DGKD: variants seen among roughly 807,000 people sequenced by gnomAD.
DGKD encodes DAG kinase delta.
In DGKD, 68 loss-of-function variants were observed where a neutral mutation model predicts 154.4. That is an observed-to-expected ratio of 0.44 (90% CI 0.36 to 0.54). The LOEUF is 0.54. Ranked by LOEUF, DGKD falls within the 20% of genes least tolerant of loss-of-function variation. The pLI, the probability that DGKD is intolerant of heterozygous loss-of-function variation, is 0.00. For missense variants in DGKD, 1,343 were observed against 1,593.6 expected (o/e 0.84, Z 2.68); for synonymous variants, 693 against 638.0 (o/e 1.09, Z -1.30).
At chr2:233,379,643 G>A (rs191453164) in intron 1 of DGKD, among the ~76,000 whole-genome samples, 2 of 152,274 alleles carry the variant, frequency 1.3e-5, no homozygotes, top group Admixed American at 1.3e-4. Flanking sequence ...AAATCCTCCC[G>A]TTGAGAGAAT....
intron 27 of DGKD, among the ~76,000 whole-genome samples, chr2:233,464,543 G>A (rs184693685): frequency 9.8e-5 from 15 of 152,296 alleles, no homozygotes; most frequent in African/African-American, 2.9e-4. Context: ...AGAACTGCAG[G>A]GCTTCCTGGA....
chr2:233,454,678 G>C, intron 18 of DGKD, 85 bp from the exon 19 acceptor site: 1 of 782,164 alleles, frequency 1.3e-6, no homozygotes, highest in Non-Finnish European at 2.2e-6. Context: ...TTTTCCCCAA[G>C]GAAGAGAAAT....
chr2:233,361,113 T>A (rs1701762717), intron 1 of DGKD, among the ~76,000 whole-genome samples: 1 of 151,978 alleles, frequency 6.6e-6, no homozygotes, highest in Non-Finnish European at 1.5e-5. Context: ...CTGAGCCCTG[T>A]GAGACTGTCT....
rs759327316 is a variant in DGKD at position 233,437,524 on chromosome 2, T to C, written c.922+45T>C. The C allele has an allele frequency of 2.6e-6, 4 of 1,561,564 alleles. No homozygotes were observed. In the South Asian group the frequency reaches 4.5e-5, roughly 18 times the overall value. On this transcript the variant is annotated intron_variant, in intron 8 of 29. Transcript: ENST00000264057. ...ATCCTTCTCATGCACGCCCACACGC[T>C]TCCTTCTCCACGCACTTTCTCTTCT...
At position 233,354,712 on chromosome 2, in the gene DGKD, C is replaced by T. The variant is rs754169378; in HGVS notation, c.156+38C>T. On this transcript the variant is annotated intron_variant, in intron 1 of 29. Coordinates refer to ENST00000264057, the MANE Select transcript of DGKD (RefSeq NM_152879.3). The surrounding 1 kb of genome is among the most constrained non-coding windows in gnomAD (Gnocchi z 4.8). ...CGCGGCGGCCCGGGCGCGCGCCCCT[C>T]ACGCCGCGGCAGCCCCGGCCGAGGC... The T allele has an allele frequency of 4.1e-6, 4 of 976,736 alleles. No individual in the cohort carries two copies. Among genetic ancestry groups the T allele is most frequent in the South Asian group, 4.5e-5 (1 of 22,046 alleles). The allele number at this position is 976,736 out of a possible 1,614,324, so 60.5% of individuals were successfully genotyped here.
At chr2:233,395,779 C>T (rs909757798) in intron 3 of DGKD, among the ~76,000 whole-genome samples, 2 of 151,792 alleles carry the variant, frequency 1.3e-5, no homozygotes, top group African/African-American at 4.8e-5. Context: ...AGCGATCCAC[C>T]GGCCTCAGCC....
intron 1 of DGKD, among the ~76,000 whole-genome samples, chr2:233,372,545 T>G (rs1702376876): frequency 6.6e-6 from 1 of 152,172 alleles, no homozygotes; most frequent in Non-Finnish European, 1.5e-5. Flanking sequence ...TTTTGTGTGC[T>G]TCAAGAGGGC....
chr2:233,449,346 A>G lies in DGKD; in HGVS notation c.1858A>G (p.Ile620Val). The change falls in exon 15 of 30, where the codon ATT (isoleucine) becomes GTT (valine). Residue 620 changes from isoleucine to valine, a missense_variant. Ile to Val is a conservative substitution (Grantham distance 29). Around this residue, in one of 6 missense-constraint regions of DGKD, gnomAD observed 409 missense variants for 446.0 expected, o/e 0.92. Transcript: ENST00000264057. This position sits in a 1 kb window ranked among gnomAD's most constrained non-coding sequence, Gnocchi z 5.3. The stretch of plus-strand genomic sequence containing the variant: ...GAGAGCCAACAGCCTGAAGAAAGCA[A>G]TTCGTCAGATCATAGAACACACAGA... ...MLRANSLKKA[I>V]RQIIEHTEKA... The G allele has an allele frequency of 6.2e-7, 1 of 1,605,862 alleles. No individual in the cohort carries two copies. Among genetic ancestry groups the G allele is most frequent in the Non-Finnish European group, 8.5e-7 (1 of 1,173,098 alleles).
intron 1 of DGKD, among the ~76,000 whole-genome samples, chr2:233,385,618 G>A (rs942794944): frequency 6.6e-6 from 1 of 152,204 alleles, no homozygotes; most frequent in Non-Finnish European, 1.5e-5. Flanking sequence ...TCCTGACTCT[G>A]CTCTAGGGGG....
intron 3 of DGKD, among the ~76,000 whole-genome samples, chr2:233,397,418 T>A (rs62195087): frequency 9.0e-3 from 585 of 65,272 alleles, no homozygotes; most frequent in Middle Eastern, 0.022. Flanking sequence ...GTGAGAGGAC[T>A]CCAGAGGGGA....
intron 3 of DGKD, among the ~76,000 whole-genome samples, chr2:233,431,509 G>T (rs979218294): frequency 6.6e-6 from 1 of 152,070 alleles, no homozygotes; most frequent in African/African-American, 2.4e-5. Context: ...ATAGCCAAAA[G>T]ACCCAGAATA....
chr2:233,468,324 G>A lies in DGKD; in HGVS notation c.3425-99G>A. ...GGTGCTGGCTGTTGGGACGTCTCCT[G>A]TCCTGGCACTGGGCTCTCGGGTGCT... is the stretch of plus-strand genomic sequence containing the variant. On this transcript the variant is annotated intron_variant, in intron 28 of 29. Transcript: ENST00000264057. 3 of 1,490,974 alleles carry A rather than the reference G, an allele frequency of 2.0e-6. 1 individual carries two copies. The South Asian group carries it at 3.7e-5, about 19-fold the overall frequency. The allele number at this position is 1,490,974 out of a possible 1,614,324, so 92.4% of individuals were successfully genotyped here.
intron 3 of DGKD, among the ~76,000 whole-genome samples, chr2:233,415,755 C>T (rs561857110): frequency 1.2e-3 from 179 of 152,272 alleles, no homozygotes; most frequent in Non-Finnish European, 2.1e-3. Context: ...TACTGAGTAG[C>T]TGGGACCACA....
chr2:233,453,133 A>G (rs2063341146), intron 18 of DGKD, among the ~76,000 whole-genome samples: 1 of 152,160 alleles, frequency 6.6e-6, no homozygotes, highest in African/African-American at 2.4e-5. Flanking sequence ...TGAGACTGGA[A>G]CTTCCACTTC....
intron 1 of DGKD, among the ~76,000 whole-genome samples, chr2:233,361,038 G>A (rs1166445828): frequency 9.6e-5 from 6 of 62,576 alleles, no homozygotes; most frequent in Admixed American, 2.1e-4. Flanking sequence ...GAAGTTTTAT[G>A]GCAGCCCTAG....
intron 27 of DGKD, among the ~76,000 whole-genome samples, chr2:233,466,247 A>AT (rs1420250022): frequency 3.3e-5 from 5 of 150,368 alleles, no homozygotes; most frequent in Non-Finnish European, 4.4e-5. Context: ...TCCTACTGAA[A>AT]TTTTTTTTGT....
At chr2:233,377,048 A>G (rs190069170) in intron 1 of DGKD, among the ~76,000 whole-genome samples, 43 of 149,270 alleles carry the variant, frequency 2.9e-4, no homozygotes, top group African/African-American at 9.8e-4. Flanking sequence ...CCTCCTTTTT[A>G]CAAAAAGATA....
chr2:233,376,589 T>A (rs1389220769), intron 1 of DGKD, among the ~76,000 whole-genome samples: 1 of 152,160 alleles, frequency 6.6e-6, no homozygotes, highest in African/African-American at 2.4e-5. Context: ...GATTTTTTTT[T>A]AATATATATG....
At chr2:233,453,933 A>G (rs1013518834) in intron 18 of DGKD, among the ~76,000 whole-genome samples, 16 of 152,230 alleles carry the variant, frequency 1.1e-4, no homozygotes, top group Non-Finnish European at 2.1e-4. Context: ...TAATTTGGCA[A>G]CAGCTTTGCT....
Sources: gnomAD v4.1 joint callset for allele counts (sites outside exome capture counted in the v4.1 genomes callset) on GRCh38, gnomAD v4.1.1 for gene constraint, gnomAD v4.1.1 regional missense constraint, Gnocchi (gnomAD v3.1) non-coding constraint, MANE v1.5 for transcripts, NCBI Gene and HGNC (gene_info 2026-07-23, HGNC 2026-07-21) for gene names.